The following DOP1B variants were observed in gnomAD, a reference collection of about 807,000 sequenced individuals.
DOP1B encodes protein DOP1B.
DOP1B carries 174 observed loss-of-function variants against 233.5 expected under a neutral mutation model. The observed-to-expected ratio is 0.75, with a 90% CI of 0.66 to 0.85. The LOEUF (loss-of-function observed/expected upper bound fraction) is 0.85. Ranked by LOEUF, DOP1B falls within the 40% of genes least tolerant of loss-of-function variation. DOP1B has a pLI of 0.00. For missense variants in DOP1B, 2,652 were observed against 2,846.6 expected, an observed-to-expected ratio of 0.93 and a Z score of 1.56; for synonymous variants, 1,190 against 1,185.6, an observed-to-expected ratio of 1.00 and a Z score of -0.08.
At position 36,270,052 on chromosome 21, in the gene DOP1B, G is replaced by T. The variant is rs1313244755; in HGVS notation, c.5527G>T (p.Ala1843Ser). The change falls in exon 27 of 37, where the codon GCC (alanine) becomes TCC (serine). Residue 1843 changes from alanine (A) to serine (S), a missense_variant. Physicochemically the swap from Ala to Ser is moderately conservative, Grantham distance 99. This residue lies in a region of DOP1B where 2,617 missense variants were observed against 2,794.3 expected (regional missense o/e 0.94). Coordinates refer to ENST00000691173, the MANE Select transcript of DOP1B (RefSeq NM_001320714.2). ...QKILEAVGNIAGSSLEQTSWL... is the reference protein window; with the variant it reads ...QKILEAVGNISGSSLEQTSWL... ...AATCCTAGAAGCTGTGGGGAACATT[G>T]CCGGCTCTTCCTTGGAGCAAACCAG... The T allele has an allele frequency of 6.2e-7, 1 of 1,614,070 alleles. No homozygotes were observed. Among genetic ancestry groups the T allele is most frequent in the South Asian group, 1.1e-5 (1 of 91,080 alleles).
In DOP1B at chr21:36,238,594, C is replaced by T. The variant is rs774654749; in HGVS notation, c.2776-7C>T. The T allele has an allele frequency of 1.9e-6, 3 of 1,613,796 alleles. No individual in the cohort carries two copies. The highest frequency in any genetic ancestry group is 2.5e-6 in the Non-Finnish European group (3 of 1,179,650). ...AGTTCCTCACTCCCATGTATCTCCT[C>T]ATCAAGGGAACAAGGCTGGAAGCTC... On this transcript the variant is annotated splice_region_variant and splice_polypyrimidine_tract_variant and intron_variant, in intron 16 of 36. Transcript: ENST00000691173.
chr21:36,253,816 G>T lies in DOP1B; in HGVS notation c.5166G>T (p.Leu1722Phe). 6.2e-7 allele frequency: 1 copy of T among 1,613,746 alleles called. No homozygotes were observed. Among genetic ancestry groups the T allele is most frequent in the South Asian group, 1.1e-5 (1 of 91,062 alleles). ...CATCCCAGCTAACCCTTGTCGACTT[G>T]GTGTGTGCACTCAGCACCCTGCAGA... ...ASASQLTLVD[L>F]VCALSTLQTD... Residue 1722 changes from leucine (L) to phenylalanine (F), a missense_variant, in exon 23 of 37, where the codon TTG becomes TTT. By Grantham distance (22) the Leu-to-Phe change is conservative. Around this residue, in one of 3 missense-constraint regions of DOP1B, gnomAD observed 2,617 missense variants for 2,794.3 expected, o/e 0.94. Transcript: ENST00000691173.
intron 1 of DOP1B, among the ~76,000 whole-genome samples, chr21:36,163,545 G>A (rs1350561976): frequency 6.6e-6 from 1 of 152,088 alleles, no homozygotes; most frequent in African/African-American, 2.4e-5. Flanking sequence ...CTTTTTATTT[G>A]ATTGACTACA....
At chr21:36,208,634 A>G in intron 4 of DOP1B, 81 bp from the exon 5 acceptor site, 15 of 1,442,868 alleles carry the variant, frequency 1.0e-5, no homozygotes, top group South Asian at 1.3e-5. Flanking sequence ...GTGGTTCTTC[A>G]TGCAGCATTC....
At position 36,228,774 on chromosome 21, in the gene DOP1B, T is replaced by TAAATAAAATA. The variant is rs200418493; in HGVS notation, c.1665+941_1665+950dup. On this transcript the variant is annotated intron_variant, in intron 13 of 36. Coordinates refer to ENST00000691173, the MANE Select transcript of DOP1B (RefSeq NM_001320714.2). ...AAGTGAGACTCTGTCTCAAAATAAA[T>TAAATAAAATA]AAATAAAATAAAATAAAATAAAATA... Among the ~76,000 whole-genome samples the TAAATAAAATA allele has an allele frequency of 6.5e-3, 920 of 140,536 alleles. 8 individuals are homozygous for TAAATAAAATA. Among genetic ancestry groups the TAAATAAAATA allele is most frequent in the African/African-American group, 0.02 (765 of 37,914 alleles). 92.2% of individuals were successfully genotyped at this position (140,536 alleles called of 152,430 possible).
intron 31 of DOP1B, among the ~76,000 whole-genome samples, chr21:36,281,026 G>T (rs1313451953): frequency 6.6e-6 from 1 of 151,988 alleles, no homozygotes; most frequent in Non-Finnish European, 1.5e-5. Context: ...ATAAGTATTG[G>T]CTGGGCACAG....
chr21:36,261,875 C>T, intron 24 of DOP1B: 4 of 753,546 alleles, frequency 5.3e-6, no homozygotes, highest in Non-Finnish European at 6.5e-6. Context: ...CACACCACTG[C>T]ACTCCAGGCT....
intron 23 of DOP1B, among the ~76,000 whole-genome samples, chr21:36,258,150 C>T (rs2067129605): frequency 6.6e-6 from 1 of 152,124 alleles, no homozygotes; most frequent in Admixed American, 6.5e-5. Context: ...TGGCTCACTC[C>T]TGTAATCCCA....
chr21:36,191,699 T>C (rs2066236560), intron 2 of DOP1B, among the ~76,000 whole-genome samples: 1 of 151,802 alleles, frequency 6.6e-6, no homozygotes, highest in African/African-American at 2.4e-5. Context: ...GGCAGGAGAA[T>C]TGCTTGAACC....
At chr21:36,281,420 T>A (rs920876474) in intron 31 of DOP1B, 63 bp from the exon 32 acceptor site, 1 of 1,499,446 alleles carries the variant, frequency 6.7e-7, no homozygotes, top group African/African-American at 1.4e-5. Context: ...AGTATGAATT[T>A]CCCATCACTT....
At chr21:36,237,769 C>T (rs1012966145) in intron 16 of DOP1B, among the ~76,000 whole-genome samples, 1 of 152,184 alleles carries the variant, frequency 6.6e-6, no homozygotes, top group Non-Finnish European at 1.5e-5. Context: ...TGGTGGCTCA[C>T]ACCCGTAATC....
chr21:36,293,275 C>T (rs2067579702), intron 36 of DOP1B, 45 bp from the exon 37 acceptor site: 1 of 1,589,140 alleles, frequency 6.3e-7, no homozygotes, highest in Non-Finnish European at 8.6e-7. Flanking sequence ...CATCTCGAGC[C>T]CTCAGTAAAA....
At position 36,223,562 on chromosome 21, in the gene DOP1B, T is replaced by C. The variant is rs531027118; in HGVS notation, c.1370+212T>C. Among the ~76,000 whole-genome samples the C allele has an allele frequency of 5.5e-4, 84 of 152,348 alleles. No individual in the cohort carries two copies. The South Asian group carries it at 0.012, about 23-fold the overall frequency. On this transcript the variant is annotated intron_variant, in intron 11 of 36. Transcript: ENST00000691173. Reference sequence around the variant, plus strand: ...TCCAATAAGAAGGTTCACATAATCTTTGCCATGTAATTCTGAAGCTGCTTT... The same window carrying C: ...TCCAATAAGAAGGTTCACATAATCTCTGCCATGTAATTCTGAAGCTGCTTT...
Position 36,245,327 on chromosome 21 carries a change from G to C in DOP1B, c.3347G>C (p.Ser1116Thr). 2 of 1,614,122 alleles carry C rather than the reference G, an allele frequency of 1.2e-6. No individual in the cohort carries two copies. The highest frequency in any genetic ancestry group is 2.2e-5 in the East Asian group (1 of 44,878). Residue 1116 changes from serine (S) to threonine (T), a missense_variant, in exon 19 of 37, where the codon AGC becomes ACC. Ser to Thr is a moderately conservative substitution (Grantham distance 58). Coordinates refer to ENST00000691173, the MANE Select transcript of DOP1B (RefSeq NM_001320714.2). The surrounding 1 kb of genome is among the most constrained non-coding windows in gnomAD (Gnocchi z 5.5). ...SSEHTESADT[S>T]SCHTDSENTS... ...GAGCACACCGAGTCTGCAGATACAA[G>C]CTCCTGCCACACGGACAGCGAGAAC...
chr21:36,233,566 G>A (rs887038832), intron 15 of DOP1B, among the ~76,000 whole-genome samples: 5 of 152,234 alleles, frequency 3.3e-5, no homozygotes, highest in African/African-American at 1.2e-4. Flanking sequence ...GGAAGGAGAT[G>A]ATGAGCAGGT....
chr21:36,281,423 C>A (rs2067414290), intron 31 of DOP1B, 60 bp from the exon 32 acceptor site: 6 of 1,500,216 alleles, frequency 4.0e-6, no homozygotes, highest in South Asian at 1.4e-5. Context: ...ATGAATTTCC[C>A]ATCACTTCCC....
intron 11 of DOP1B, 23 bp from the exon 12 acceptor site, chr21:36,225,542 T>C: frequency 6.2e-7 from 1 of 1,613,236 alleles, no homozygotes. Flanking sequence ...AAGAATGGAT[T>C]TTTTCTTTGC....
intron 2 of DOP1B, among the ~76,000 whole-genome samples, chr21:36,177,521 C>T (rs889807026): frequency 5.9e-5 from 9 of 152,112 alleles, no homozygotes; most frequent in African/African-American, 2.2e-4. Flanking sequence ...ATGGCTCTTC[C>T]AAAGTCCATG....
rs189603579 is a variant in DOP1B at position 36,252,745 on chromosome 21, C to T, written c.5122-1027C>T. On this transcript the variant is annotated intron_variant, in intron 22 of 36. Transcript: ENST00000691173. ...CAGGCTGGTCTCAAACTCCTGACCT[C>T]GTGATCCGCCTGCCTCGGCCTCCCA... Among the ~76,000 whole-genome samples the T allele has an allele frequency of 7.7e-4, 117 of 152,162 alleles. No homozygotes were observed. In the Middle Eastern group the frequency reaches 0.01, roughly 13 times the overall value.
Sources: gnomAD v4.1 joint callset for allele counts (sites outside exome capture counted in the v4.1 genomes callset) on GRCh38, gnomAD v4.1.1 for gene constraint, gnomAD v4.1.1 regional missense constraint, Gnocchi (gnomAD v3.1) non-coding constraint, MANE v1.5 for transcripts, NCBI Gene and HGNC (gene_info 2026-07-23, HGNC 2026-07-21) for gene names.